EYS: variants seen among roughly 807,000 people sequenced by gnomAD.
EYS encodes the protein protein eyes shut homolog.
Under a neutral mutation model 282.1 loss-of-function variants are expected in EYS, and 250 were observed. The ratio of observed to expected loss-of-function variants is 0.89; its 90% confidence interval spans 0.80 to 0.98. EYS has a LOEUF of 0.98. Among genes scored for constraint, EYS ranks in the 50% least tolerant of loss-of-function variants. The pLI, the probability that EYS is intolerant of heterozygous loss-of-function variation, is 0.00. For missense variants in EYS, 4,016 were observed against 3,709.0 expected, an observed-to-expected ratio of 1.08 and a Z score of -2.15; for synonymous variants, 1,355 against 1,282.9, an observed-to-expected ratio of 1.06 and a Z score of -1.20.
intron 19 of EYS, among the ~76,000 whole-genome samples, chr6:64,849,880 T>A (rs1241639679): frequency 6.6e-6 from 1 of 151,248 alleles, no homozygotes; most frequent in African/African-American, 2.4e-5. Flanking sequence ...AAGAAAGGTA[T>A]GTGATTAGAT....
chr6:64,569,469 TGG>T (rs897281364), intron 26 of EYS, among the ~76,000 whole-genome samples: 2 of 151,518 alleles, frequency 1.3e-5, no homozygotes, highest in African/African-American at 4.9e-5. Context: ...GAGCCGGGCG[TGG>T]TGGCTCACGC....
chr6:63,827,330 A>T (rs539146157), intron 36 of EYS, among the ~76,000 whole-genome samples: 49 of 152,334 alleles, frequency 3.2e-4, no homozygotes, highest in Middle Eastern at 6.8e-3. Context: ...ATAGTGGGGG[A>T]CTTCAATACT....
At chr6:64,931,332 T>C (rs981062130) in intron 15 of EYS, among the ~76,000 whole-genome samples, 1 of 152,170 alleles carries the variant, frequency 6.6e-6, no homozygotes, top group Non-Finnish European at 1.5e-5. Flanking sequence ...ACAATGTTTA[T>C]AATATTTTAT....
At chr6:64,835,471 G>C (rs1410706990) in intron 19 of EYS, among the ~76,000 whole-genome samples, 1 of 101,766 alleles carries the variant, frequency 9.8e-6, no homozygotes, top group Non-Finnish European at 2.2e-5. Flanking sequence ...GCATAATGTG[G>C]CTGAGAATTT....
chr6:64,791,474 G>A (rs1033906067), intron 22 of EYS, among the ~76,000 whole-genome samples: 4 of 151,606 alleles, frequency 2.6e-5, no homozygotes, highest in African/African-American at 9.7e-5. Context: ...TATCTAAAAG[G>A]CAACTTTATG....
chr6:64,151,715 CTATA>C (rs1168730560), intron 31 of EYS, among the ~76,000 whole-genome samples: 1 of 151,880 alleles, frequency 6.6e-6, no homozygotes, highest in East Asian at 1.9e-4. Context: ...ATTGATATGA[CTATA>C]TACTTGTATT....
intron 33 of EYS, among the ~76,000 whole-genome samples, chr6:64,020,825 A>T (rs1397094778): frequency 6.6e-6 from 1 of 152,164 alleles, no homozygotes; most frequent in East Asian, 1.9e-4. Context: ...CTTGGGGAGA[A>T]TATTATAAAT....
chr6:65,237,190 T>C lies in EYS; in HGVS notation c.2023+58673A>G, dbSNP rs1766949466. ...GCGAATAAACGAAAGCCAAATAAAT[T>C]TGTATAAAAATTAGCTCTGCACTTT... On this transcript the variant is annotated intron_variant, in intron 12 of 42. Transcript: ENST00000503581. 2.6e-5 allele frequency among the ~76,000 whole-genome samples: 4 copies of C among 152,100 alleles called. No homozygotes were observed. The South Asian group carries it at 8.3e-4, about 32-fold the overall frequency.
intron 29 of EYS, among the ~76,000 whole-genome samples, chr6:64,346,915 G>A (rs1771426083): frequency 6.6e-6 from 1 of 151,300 alleles, no homozygotes; most frequent in African/African-American, 2.4e-5. Flanking sequence ...AGCTCTTGAT[G>A]TAGTTTATTA....
chr6:65,482,953 T>C (rs184927149), intron 5 of EYS, among the ~76,000 whole-genome samples: 99 of 152,284 alleles, frequency 6.5e-4, no homozygotes, highest in Non-Finnish European at 1.0e-3. Context: ...TAACTAATAA[T>C]GTATAGCATA....
chr6:64,135,240 A>T (rs1375959079), intron 31 of EYS, among the ~76,000 whole-genome samples: 1 of 152,040 alleles, frequency 6.6e-6, no homozygotes, highest in Admixed American at 6.6e-5. Flanking sequence ...AAACAAAGTT[A>T]GACATTGAAA....
intron 2 of EYS, among the ~76,000 whole-genome samples, chr6:65,627,811 T>C (rs1274621088): frequency 3.3e-5 from 5 of 152,194 alleles, no homozygotes; most frequent in Non-Finnish European, 2.9e-5. Context: ...CAGCCCGCCA[T>C]GCCTGAGCCT....
intron 35 of EYS, among the ~76,000 whole-genome samples, chr6:63,875,437 T>C (rs1772941907): frequency 6.6e-6 from 1 of 152,226 alleles, no homozygotes; most frequent in African/African-American, 2.4e-5. Flanking sequence ...AATTCTCTTT[T>C]TTTGTTGTGT....
chr6:64,577,258 T>C (rs1428903787), intron 26 of EYS, among the ~76,000 whole-genome samples: 1 of 152,106 alleles, frequency 6.6e-6, no homozygotes, highest in Non-Finnish European at 1.5e-5. Flanking sequence ...AAGACTAATA[T>C]GTTACATTGT....
At chr6:65,471,455 C>T (rs1052503728) in intron 5 of EYS, among the ~76,000 whole-genome samples, 4 of 151,868 alleles carry the variant, frequency 2.6e-5, no homozygotes, top group Non-Finnish European at 4.4e-5. Flanking sequence ...AGATAAATGA[C>T]GATGAATTCT....
chr6:65,346,368 A>AT (rs1410233096), intron 9 of EYS, among the ~76,000 whole-genome samples: 4 of 151,020 alleles, frequency 2.6e-5, no homozygotes, highest in East Asian at 3.9e-4. Flanking sequence ...AAACTATAAC[A>AT]TTTTTAGAGA....
intron 26 of EYS, among the ~76,000 whole-genome samples, chr6:64,584,220 A>G (rs1221270941): frequency 1.3e-5 from 2 of 151,970 alleles, no homozygotes; most frequent in Non-Finnish European, 2.9e-5. Context: ...AATATTAAAA[A>G]CAACATTAAG....
chr6:64,503,418 T>A (rs1777114284), intron 26 of EYS, among the ~76,000 whole-genome samples: 1 of 152,238 alleles, frequency 6.6e-6, no homozygotes, highest in Non-Finnish European at 1.5e-5. Context: ...GTAAATGTGA[T>A]GATGCTTTTT....
chr6:65,241,034 A>G (rs1004095905), intron 12 of EYS, among the ~76,000 whole-genome samples: 3 of 152,104 alleles, frequency 2.0e-5, no homozygotes, highest in Admixed American at 2.0e-4. Flanking sequence ...ATATTTTTCT[A>G]ATTATTTCAT....
Sources: allele counts gnomAD v4.1 joint callset (sites outside exome capture counted in the v4.1 genomes callset), GRCh38; gene constraint gnomAD v4.1.1; transcripts MANE v1.5; gene names NCBI Gene and HGNC (gene_info 2026-07-23, HGNC 2026-07-21).